ZNF521: variants seen among roughly 807,000 people sequenced by gnomAD.
The protein encoded by ZNF521 is zinc finger protein 521, also known as LYST-interacting protein 3.
ZNF521 carries 14 observed loss-of-function variants against 105.5 expected under a neutral mutation model. That is an observed-to-expected ratio of 0.13 (90% CI 0.09 to 0.21). The LOEUF (loss-of-function observed/expected upper bound fraction) is 0.21, where lower values mean the gene tolerates loss of function less well. Ranked by LOEUF, ZNF521 falls within the 10% of genes least tolerant of loss-of-function variation. The pLI is 1.00. For missense variants in ZNF521, 1,233 were observed against 1,629.7 expected, an observed-to-expected ratio of 0.76 and a Z score of 4.19; for synonymous variants, 635 against 606.0, an observed-to-expected ratio of 1.05 and a Z score of -0.70.
chr18:25,195,147 G>A lies in ZNF521; in HGVS notation c.3658+13C>T. On this transcript the variant is annotated intron_variant, in intron 5 of 7. Transcript: ENST00000361524. ...AAACATCTATCTGTAATAAGGTTTA[G>A]AGTGTCACTCACCAATCATGTGATT... 6.3e-7 allele frequency: 1 copy of A among 1,587,600 alleles called. No homozygotes were observed. Among genetic ancestry groups the A allele is most frequent in the Non-Finnish European group, 8.6e-7 (1 of 1,162,574 alleles).
intron 1 of ZNF521, 105 bp from the exon 2 acceptor site, chr18:25,351,052 G>C (rs1914731837): frequency 1.1e-6 from 1 of 874,224 alleles, no homozygotes; most frequent in Non-Finnish European, 1.5e-6. Context: ...CCTCCGCTCG[G>C]CCTCCCTCGC....
chr18:25,268,667 T>C (rs976678761), intron 3 of ZNF521, among the ~76,000 whole-genome samples: 3 of 152,192 alleles, frequency 2.0e-5, no homozygotes, highest in Non-Finnish European at 2.9e-5. Context: ...GAATTTCATA[T>C]CCAGCCAAAC....
rs74901716 is a variant in ZNF521 at position 25,134,469 on chromosome 18, T to C, written c.3659-42388A>G. Among the ~76,000 whole-genome samples the C allele has an allele frequency of 1.7e-3, 259 of 152,266 alleles. 2 individuals are homozygous for C. The highest frequency in any genetic ancestry group is 5.6e-3 in the African/African-American group (234 of 41,568). On this transcript the variant is annotated intron_variant, in intron 5 of 7. Transcript: ENST00000361524. Reference sequence around the variant, plus strand: ...CCTAATGAGCAGGGTAACTTTTGCCTGGTCTGTGAACATTATGATAAAGAC... The same window carrying C: ...CCTAATGAGCAGGGTAACTTTTGCCCGGTCTGTGAACATTATGATAAAGAC...
At chr18:25,132,200 A>G (rs2034653007) in intron 5 of ZNF521, among the ~76,000 whole-genome samples, 1 of 152,260 alleles carries the variant, frequency 6.6e-6, no homozygotes, top group African/African-American at 2.4e-5. Context: ...TTCATCACAA[A>G]CTACAAATCT....
At chr18:25,288,268 C>T (rs908818636) in intron 3 of ZNF521, among the ~76,000 whole-genome samples, 18 of 152,132 alleles carry the variant, frequency 1.2e-4, no homozygotes, top group African/African-American at 4.3e-4. Context: ...TGATGCCCTC[C>T]GATGTGAACA....
At chr18:25,176,644 T>C (rs1268020048) in intron 5 of ZNF521, among the ~76,000 whole-genome samples, 2 of 152,204 alleles carry the variant, frequency 1.3e-5, no homozygotes, top group African/African-American at 4.8e-5. Flanking sequence ...CTCATTCCAC[T>C]GCTTTAATTT....
chr18:25,139,198 G>A lies in ZNF521; in HGVS notation c.3659-47117C>T, dbSNP rs181204977. Among the ~76,000 whole-genome samples the A allele has an allele frequency of 1.0e-3, 155 of 151,302 alleles. 1 individual carries two copies. The highest frequency in any genetic ancestry group is 3.4e-3 in the African/African-American group (142 of 41,268). On this transcript the variant is annotated intron_variant, in intron 5 of 7. Coordinates refer to ENST00000361524, the MANE Select transcript of ZNF521 (RefSeq NM_015461.3). ...AGCCTGGCCAACATGGTGAAACCCC[G>A]TCTCTACTAAAAATAAAAAAAATTA... is the stretch of plus-strand genomic sequence containing the variant.
intron 5 of ZNF521, among the ~76,000 whole-genome samples, chr18:25,160,142 G>C (rs1297001428): frequency 1.3e-5 from 2 of 152,122 alleles, no homozygotes; most frequent in Non-Finnish European, 2.9e-5. Flanking sequence ...AGCCATCAGG[G>C]GGTTATTTTA....
At chr18:25,165,318 A>G (rs906216239) in intron 5 of ZNF521, among the ~76,000 whole-genome samples, 1 of 152,222 alleles carries the variant, frequency 6.6e-6, no homozygotes, top group African/African-American at 2.4e-5. Context: ...ATCATAAGAC[A>G]GAGAAATCAA....
intron 7 of ZNF521, among the ~76,000 whole-genome samples, chr18:25,086,697 A>AAT (rs1296307431): frequency 6.6e-6 from 1 of 152,164 alleles, no homozygotes; most frequent in African/African-American, 2.4e-5. Context: ...ATCAAGAGCA[A>AAT]ATATATATAA....
chr18:25,242,542 T>C (rs1907408635), intron 3 of ZNF521, among the ~76,000 whole-genome samples: 1 of 152,216 alleles, frequency 6.6e-6, no homozygotes, highest in Non-Finnish European at 1.5e-5. Context: ...TTATTTTTTC[T>C]TGCACAATGA....
At chr18:25,097,638 C>A (rs1352692832) in intron 5 of ZNF521, among the ~76,000 whole-genome samples, 4 of 152,066 alleles carry the variant, frequency 2.6e-5, no homozygotes, top group African/African-American at 7.2e-5. Context: ...GAAAAGGACA[C>A]TGGGACATGA....
intron 3 of ZNF521, among the ~76,000 whole-genome samples, chr18:25,232,338 C>G (rs1433992841): frequency 1.3e-5 from 2 of 152,166 alleles, no homozygotes; most frequent in East Asian, 1.9e-4. Flanking sequence ...TCTAGGGCAC[C>G]TTATCATGGC....
intron 3 of ZNF521, among the ~76,000 whole-genome samples, chr18:25,285,931 C>T (rs1910685411): frequency 6.6e-6 from 1 of 152,230 alleles, no homozygotes. Context: ...TGACAGCTGA[C>T]TGTTGGGAGG....
intron 5 of ZNF521, among the ~76,000 whole-genome samples, chr18:25,114,340 A>G (rs35266103): frequency 0.047 from 7,116 of 152,258 alleles, 273 homozygotes; most frequent in East Asian, 0.13. Flanking sequence ...CCCCTACTCC[A>G]TATTTTTGAT....
At chr18:25,175,818 C>T (rs1567995176) in intron 5 of ZNF521, among the ~76,000 whole-genome samples, 1 of 152,218 alleles carries the variant, frequency 6.6e-6, no homozygotes, top group Non-Finnish European at 1.5e-5. Context: ...TCAATTCAGA[C>T]ATGCCATAGT....
rs1016353951 is a variant in ZNF521 at position 25,311,216 on chromosome 18, C to T, written c.220+10792G>A. Among the ~76,000 whole-genome samples the T allele has an allele frequency of 2.0e-5, 3 of 152,172 alleles. No homozygotes were observed. The East Asian group carries it at 5.8e-4, about 29-fold the overall frequency. ...ATCTCTGTGACATTGCTACCATTCC[C>T]TAAAGACAAGATCCCCAAACACAGA... On this transcript the variant is annotated intron_variant, in intron 3 of 7. Transcript: ENST00000361524.
intron 5 of ZNF521, among the ~76,000 whole-genome samples, chr18:25,162,242 C>A (rs1448939837): frequency 6.6e-6 from 1 of 152,096 alleles, no homozygotes. Context: ...CCTTAACATT[C>A]ATACATGAGA....
At chr18:25,264,255 AT>A (rs2144908520) in intron 3 of ZNF521, among the ~76,000 whole-genome samples, 1 of 152,294 alleles carries the variant, frequency 6.6e-6, no homozygotes, top group Admixed American at 6.5e-5. Flanking sequence ...TTACTCTGCC[AT>A]TTTGTTCCAG....
Sources: allele counts gnomAD v4.1 joint callset (sites outside exome capture counted in the v4.1 genomes callset), GRCh38; gene constraint gnomAD v4.1.1; transcripts MANE v1.5; gene names NCBI Gene and HGNC (gene_info 2026-07-23, HGNC 2026-07-21).